Variants in EMC2 observed in about 807,000 individuals in gnomAD.
EMC2 encodes the protein TPR repeat protein 35.
Under a neutral mutation model 51.6 loss-of-function variants are expected in EMC2, and 37 were observed. That is an observed-to-expected ratio of 0.72 (90% CI 0.55 to 0.94). EMC2 has a LOEUF of 0.94. Among genes scored for constraint, EMC2 ranks in the 40% least tolerant of loss-of-function variants. The pLI is 0.00. For synonymous variants in EMC2, 131 were observed against 112.4 expected (o/e 1.17, Z -1.04); for missense variants, 359 against 350.9 (o/e 1.02, Z -0.18).
chr8:108,467,894 T>C (rs1434765518), intron 5 of EMC2, among the ~76,000 whole-genome samples: 1 of 152,230 alleles, frequency 6.6e-6, no homozygotes, highest in Non-Finnish European at 1.5e-5. Context: ...GAACCAAATG[T>C]TAAAGAAAGG....
At chr8:108,480,185 G>C (rs1394604621) in intron 10 of EMC2, among the ~76,000 whole-genome samples, 1 of 151,968 alleles carries the variant, frequency 6.6e-6, no homozygotes, top group Non-Finnish European at 1.5e-5. Context: ...CAGGGTTTCA[G>C]TAATACGTGT....
At chr8:108,480,695 T>TC (rs1398916555) in intron 10 of EMC2, among the ~76,000 whole-genome samples, 1 of 152,140 alleles carries the variant, frequency 6.6e-6, no homozygotes, top group African/African-American at 2.4e-5. Context: ...TCCTCACCCC[T>TC]CCTTGTCTGA....
chr8:108,449,227 G>A (rs1025300364), intron 1 of EMC2, among the ~76,000 whole-genome samples: 6 of 151,320 alleles, frequency 4.0e-5, no homozygotes, highest in Non-Finnish European at 5.9e-5. Flanking sequence ...ATCCTCTCAC[G>A]TCAGTCTCCT....
intron 5 of EMC2, among the ~76,000 whole-genome samples, chr8:108,461,818 C>G (rs541005300): frequency 6.6e-6 from 1 of 151,966 alleles, no homozygotes; most frequent in African/African-American, 2.4e-5. Context: ...GGTCCTCCTT[C>G]TCTTAGGGAA....
chr8:108,465,268 T>G (rs1189777811), intron 5 of EMC2, among the ~76,000 whole-genome samples: 1 of 152,198 alleles, frequency 6.6e-6, no homozygotes, highest in Admixed American at 6.5e-5. Flanking sequence ...GGGAAAATCT[T>G]ACAGGAGCAT....
At chr8:108,474,570 C>G (rs1397636146) in intron 7 of EMC2, 1 of 151,780 alleles carries the variant, frequency 6.6e-6, no homozygotes, top group East Asian at 1.9e-4. Flanking sequence ...CACACACACA[C>G]ACACACATAC....
intron 5 of EMC2, among the ~76,000 whole-genome samples, chr8:108,460,663 T>G (rs1419292442): frequency 1.3e-5 from 2 of 152,248 alleles, no homozygotes; most frequent in Non-Finnish European, 2.9e-5. Flanking sequence ...AGTTGGATCC[T>G]TATTGCTGTG....
rs1810938107 is a variant in EMC2, at chr8:108,475,932, A to G, written c.560A>G (p.His187Arg). The G allele has an allele frequency of 6.2e-7, 1 of 1,601,010 alleles. No individual in the cohort carries two copies. The highest frequency in any genetic ancestry group is 8.5e-7 in the Non-Finnish European group (1 of 1,172,874). ...GAGGAACTAATGATGACTAATCCACACAACCACTTATACTGTCAGCAGTAT... is the reference window on the plus strand; with the variant it reads ...GAGGAACTAATGATGACTAATCCACGCAACCACTTATACTGTCAGCAGTAT... Reference protein sequence around the residue: ...CLEELMMTNPHNHLYCQQYAE... With the variant: ...CLEELMMTNPRNHLYCQQYAE... The change falls in exon 8 of 11, where the codon CAC (histidine) becomes CGC (arginine). Residue 187 changes from histidine (H) to arginine (R), a missense_variant. Transcript: ENST00000220853.
chr8:108,480,779 G>C (rs952769890), intron 10 of EMC2, among the ~76,000 whole-genome samples: 1 of 151,820 alleles, frequency 6.6e-6, no homozygotes, highest in Non-Finnish European at 1.5e-5. Flanking sequence ...TTTTCTTCAG[G>C]GTGTGAGGTT....
rs756130562 is a variant in EMC2 at position 108,462,213 on chromosome 8, T to TTGTGTGCGTGTGTGTGTG, written c.363+6300_363+6301insGTGTGTGCGTGTGTGTGT. 4.8e-3 allele frequency among the ~76,000 whole-genome samples: 593 copies of TTGTGTGCGTGTGTGTGTG among 122,502 alleles called. 6 individuals are homozygous for TTGTGTGCGTGTGTGTGTG. Among genetic ancestry groups the TTGTGTGCGTGTGTGTGTG allele is most frequent in the Middle Eastern group, 0.014 (3 of 212 alleles). 80.4% of individuals were successfully genotyped at this position (122,502 alleles called of 152,430 possible). A position where few individuals can be genotyped will look rare whatever the true frequency, so the allele number is the denominator to read the frequency against. ...GTGTTTGTGTGCATGTGTGTGTGTT[T>TTGTGTGCGTGTGTGTGTG]TGTGTGCGTGTGTGTGTATTCCTCT... On this transcript the variant is annotated intron_variant, in intron 5 of 10. Transcript: ENST00000220853.
At chr8:108,482,207 TG>T (rs1401641772) in intron 10 of EMC2, among the ~76,000 whole-genome samples, 1 of 152,090 alleles carries the variant, frequency 6.6e-6, no homozygotes, top group African/African-American at 2.4e-5. Context: ...ATGTGTAGAG[TG>T]GTACTTCATG....
chr8:108,483,604 A>C (rs1162057257), intron 10 of EMC2, among the ~76,000 whole-genome samples: 1 of 152,190 alleles, frequency 6.6e-6, no homozygotes, highest in African/African-American at 2.4e-5. Flanking sequence ...TCCACAAATT[A>C]TGTAAAGGTA....
intron 7 of EMC2, among the ~76,000 whole-genome samples, chr8:108,471,973 GA>G (rs1050619504): frequency 2.0e-5 from 3 of 151,894 alleles, no homozygotes; most frequent in African/African-American, 7.2e-5. Flanking sequence ...TTTGATAGGT[GA>G]AATTGGTTCT....
chr8:108,478,989 T>C lies in EMC2; in HGVS notation c.703-17T>C. On this transcript the variant is annotated splice_polypyrimidine_tract_variant and intron_variant, in intron 9 of 10. Coordinates refer to ENST00000220853, the MANE Select transcript of EMC2 (RefSeq NM_014673.5). ...CAAAAAAGGAATTTTGCTTTTGATG[T>C]TTTTATTTGTTTTTAGTCGGCAAGT... The C allele has an allele frequency of 1.3e-6, 2 of 1,493,994 alleles. No individual in the cohort carries two copies. Among genetic ancestry groups the C allele is most frequent in the Non-Finnish European group, 1.8e-6 (2 of 1,109,186 alleles). The allele number at this position is 1,493,994 out of a possible 1,614,324, so 92.5% of individuals were successfully genotyped here.
intron 5 of EMC2, among the ~76,000 whole-genome samples, chr8:108,461,317 A>G (rs1003423087): frequency 9.9e-5 from 15 of 152,228 alleles, no homozygotes; most frequent in African/African-American, 2.7e-4. Context: ...TTATTCTTTC[A>G]GAGAACATTT....
chr8:108,486,756 C>T lies in EMC2; in HGVS notation c.*158C>T. 1 of 657,440 alleles carries T rather than the reference C, an allele frequency of 1.5e-6. No individual in the cohort carries two copies. The highest frequency in any genetic ancestry group is 2.3e-6 in the Non-Finnish European group (1 of 432,812). The allele number at this position is 657,440 out of a possible 1,614,324, so 40.7% of individuals were successfully genotyped here. On this transcript the variant is annotated 3_prime_UTR_variant, in exon 11 of 11. Transcript: ENST00000220853. Reference sequence around the variant, plus strand: ...ATGTGTTTATATAAACCTAAAAATGCCTTTTACTGCTAAGTGGGGAGATGG... The same window carrying T: ...ATGTGTTTATATAAACCTAAAAATGTCTTTTACTGCTAAGTGGGGAGATGG...
intron 5 of EMC2, among the ~76,000 whole-genome samples, chr8:108,458,635 G>A (rs1464650900): frequency 2.6e-5 from 4 of 152,140 alleles, no homozygotes; most frequent in Admixed American, 2.6e-4. Context: ...TGGGATGCAA[G>A]GCACCAAGTC....
intron 10 of EMC2, among the ~76,000 whole-genome samples, chr8:108,481,060 AT>A (rs1317065695): frequency 5.3e-5 from 8 of 151,958 alleles, no homozygotes; most frequent in Admixed American, 5.3e-4. Context: ...ACAGTTGTTA[AT>A]CTTTTGTTGG....
intron 5 of EMC2, among the ~76,000 whole-genome samples, chr8:108,456,255 C>A (rs1819151780): frequency 7.0e-6 from 1 of 142,728 alleles, no homozygotes; most frequent in South Asian, 2.3e-4. Flanking sequence ...ATCCCTTGAA[C>A]CTGGGTGGCA....
Sources: gnomAD v4.1 joint callset for allele counts (sites outside exome capture counted in the v4.1 genomes callset) on GRCh38, gnomAD v4.1.1 for gene constraint, MANE v1.5 for transcripts, NCBI Gene and HGNC (gene_info 2026-07-23, HGNC 2026-07-21) for gene names.